The following FNTB variants were observed in gnomAD, a reference collection of about 807,000 sequenced individuals.
The protein encoded by FNTB is protein farnesyltransferase subunit beta.
FNTB carries 27 observed loss-of-function variants against 59.4 expected under a neutral mutation model. The observed-to-expected ratio is 0.45, with a 90% confidence interval of 0.34 to 0.63. The LOEUF (loss-of-function observed/expected upper bound fraction) is 0.63, where lower values mean the gene tolerates loss of function less well. Among genes scored for constraint, FNTB ranks in the 20% least tolerant of loss-of-function variants. The pLI is 0.02. For missense variants in FNTB, 449 were observed against 559.6 expected (o/e 0.80, Z 1.99); for synonymous variants, 230 against 220.7 (o/e 1.04, Z -0.37).
rs908372867 is a variant in FNTB at position 65,047,736 on chromosome 14, C to G, written c.955+3293C>G. Among the ~76,000 whole-genome samples, 1 of 152,078 alleles carries G rather than the reference C, an allele frequency of 6.6e-6. No individual in the cohort carries two copies. The highest frequency in any genetic ancestry group is 6.6e-5 in the Admixed American group (1 of 15,258). On this transcript the variant is annotated intron_variant, in intron 9 of 11. Transcript: ENST00000246166. This position sits in a 1 kb window ranked among gnomAD's most constrained non-coding sequence, Gnocchi z 5.2. Reference sequence around the variant, plus strand: ...TTTCAATAGCAGCCTAAGTGCCTATCAAAAGGTTAAGGGTTAAATAATAAA... The same window carrying G: ...TTTCAATAGCAGCCTAAGTGCCTATGAAAAGGTTAAGGGTTAAATAATAAA...
At position 65,023,623 on chromosome 14, in the gene FNTB, G is replaced by C. The variant is rs747979697; in HGVS notation, c.375-3830G>C. On this transcript the variant is annotated intron_variant, in intron 4 of 11. Transcript: ENST00000246166. This position sits in a 1 kb window ranked among gnomAD's most constrained non-coding sequence, Gnocchi z 4.1. ...TATTGGCCACTAGCCACAGTTAGTT[G>C]TGGAGTACTTGAAATGTGTCTTGTG... is the stretch of plus-strand genomic sequence containing the variant. 1.3e-5 allele frequency among the ~76,000 whole-genome samples: 2 copies of C among 152,208 alleles called. No individual in the cohort carries two copies. The highest frequency in any genetic ancestry group is 2.9e-5 in the Non-Finnish European group (2 of 68,034).
chr14:65,003,216 G>T (rs2061539447), intron 1 of FNTB: 1 of 152,126 alleles, frequency 6.6e-6, no homozygotes. Context: ...TGTGACGTAG[G>T]ACCAGAATTT....
At position 64,991,159 on chromosome 14, in the gene FNTB, G is replaced by A. The variant is rs549346932; in HGVS notation, c.144+4062G>A. ...AGTTTGTCTTTGAACAGAGGCAAAC[G>A]CGTCCTCCACTTTAAATGGCATGGT... is the stretch of plus-strand genomic sequence containing the variant. On this transcript the variant is annotated intron_variant, in intron 1 of 11. Coordinates refer to ENST00000246166, the MANE Select transcript of FNTB (RefSeq NM_002028.4). The surrounding 1 kb of genome is among the most constrained non-coding windows in gnomAD (Gnocchi z 4.4). Among the ~76,000 whole-genome samples the A allele has an allele frequency of 3.3e-5, 5 of 152,220 alleles. No individual in the cohort carries two copies. The highest frequency in any genetic ancestry group is 6.5e-5 in the Admixed American group (1 of 15,286).
In FNTB at chr14:65,044,557, G is replaced by C; in HGVS notation, c.955+114G>C. 1 of 1,451,188 alleles carries C rather than the reference G, an allele frequency of 6.9e-7. No homozygotes were observed. Among genetic ancestry groups the C allele is most frequent in the East Asian group, 2.5e-5 (1 of 40,194 alleles). The allele number at this position is 1,451,188 out of a possible 1,614,324, so 89.9% of individuals were successfully genotyped here. The stretch of plus-strand genomic sequence containing the variant: ...GTTGAAATGAGCTCTGTCTATCCTG[G>C]ATTTTGAGTGCCCAGTGTGGAACCT... On this transcript the variant is annotated intron_variant, in intron 9 of 11. Transcript: ENST00000246166. The surrounding 1 kb of genome is among the most constrained non-coding windows in gnomAD (Gnocchi z 5.5).
intron 7 of FNTB, among the ~76,000 whole-genome samples, chr14:65,040,147 C>T (rs1031518598): frequency 7.9e-5 from 12 of 152,076 alleles, no homozygotes; most frequent in Non-Finnish European, 1.2e-4. Flanking sequence ...CCATGATCTG[C>T]AGTCAACCTA....
intron 4 of FNTB, among the ~76,000 whole-genome samples, chr14:65,016,853 C>T (rs966430268): frequency 6.6e-6 from 1 of 151,220 alleles, no homozygotes; most frequent in Non-Finnish European, 1.5e-5. Flanking sequence ...GCTTCCAGCA[C>T]TGGAAGGAGA....
intron 11 of FNTB, among the ~76,000 whole-genome samples, chr14:65,059,067 T>C (rs1431046669): frequency 6.6e-6 from 1 of 152,160 alleles, no homozygotes; most frequent in Non-Finnish European, 1.5e-5. Flanking sequence ...CTGTCACTCA[T>C]GCTGGAGTAC....
At chr14:65,060,683 G>A (rs1185507572) in intron 11 of FNTB, among the ~76,000 whole-genome samples, 2 of 72,374 alleles carry the variant, frequency 2.8e-5, no homozygotes, top group African/African-American at 1.9e-4. Context: ...GCGACAGAGC[G>A]AGAGACTCCG....
chr14:64,997,519 A>G lies in FNTB; in HGVS notation c.145-6730A>G, dbSNP rs1888443123. Among the ~76,000 whole-genome samples, 1 of 152,242 alleles carries G rather than the reference A, an allele frequency of 6.6e-6. No individual in the cohort carries two copies. The highest frequency in any genetic ancestry group is 2.1e-4 in the South Asian group (1 of 4,834). On this transcript the variant is annotated intron_variant, in intron 1 of 11. Transcript: ENST00000246166. This position sits in a 1 kb window ranked among gnomAD's most constrained non-coding sequence, Gnocchi z 4.5. The stretch of plus-strand genomic sequence containing the variant: ...AGTGTGGTGTTGCCAGCTGCATGTC[A>G]GTTAAAGTCATTCTTTATTGCAAGG...
intron 9 of FNTB, among the ~76,000 whole-genome samples, chr14:65,049,594 A>G (rs964807359): frequency 1.3e-5 from 2 of 152,208 alleles, no homozygotes; most frequent in Non-Finnish European, 2.9e-5. Context: ...TTAATAATAT[A>G]GGAAGTCACT....
At chr14:65,056,943 G>T (rs889040582) in intron 11 of FNTB, among the ~76,000 whole-genome samples, 3 of 152,176 alleles carry the variant, frequency 2.0e-5, no homozygotes, top group African/African-American at 7.2e-5. Context: ...ATTATAACAT[G>T]TGGAAATCAA....
In FNTB at chr14:65,031,825, A is replaced by G. The variant is rs2139588951; in HGVS notation, c.606-785A>G. 6.6e-6 allele frequency among the ~76,000 whole-genome samples: 1 copy of G among 152,136 alleles called. No individual in the cohort carries two copies. The highest frequency in any genetic ancestry group is 2.0e-4 in the East Asian group (1 of 5,110). ...AATCCCAGCTACTTGGGAGGCTGAT[A>G]CAGGAGAATTGCTTGAACCCAGGAG... On this transcript the variant is annotated intron_variant, in intron 6 of 11. Transcript: ENST00000246166. This position sits in a 1 kb window ranked among gnomAD's most constrained non-coding sequence, Gnocchi z 4.6.
At position 65,012,513 on chromosome 14, in the gene FNTB, C is replaced by A; in HGVS notation, c.282+124C>A. ...CAGAGTCACTCTTTGTTCTCTGTGG[C>A]TCTGGCAGGAGGTAGGGTGCTGTCA... On this transcript the variant is annotated intron_variant, in intron 3 of 11. Coordinates refer to ENST00000246166, the MANE Select transcript of FNTB (RefSeq NM_002028.4). The surrounding 1 kb of genome is among the most constrained non-coding windows in gnomAD (Gnocchi z 5.0). 7.6e-7 allele frequency: 1 copy of A among 1,321,892 alleles called. No homozygotes were observed. Among genetic ancestry groups the A allele is most frequent in the Non-Finnish European group, 1.0e-6 (1 of 958,060 alleles). The allele number at this position is 1,321,892 out of a possible 1,614,324, so 81.9% of individuals were successfully genotyped here. A position where few individuals can be genotyped will look rare whatever the true frequency, so the allele number is the denominator to read the frequency against.
intron 1 of FNTB, among the ~76,000 whole-genome samples, chr14:64,998,741 T>C (rs1362967601): frequency 6.6e-6 from 1 of 152,260 alleles, no homozygotes. Context: ...TTAAAAGAAG[T>C]TGGGTGGACC....
chr14:64,986,896 A>C lies in FNTB; in HGVS notation c.-58A>C. 6.2e-7 allele frequency: 1 copy of C among 1,601,858 alleles called. No individual in the cohort carries two copies. The highest frequency in any genetic ancestry group is 8.6e-7 in the Non-Finnish European group (1 of 1,169,328). ...AGCGCTTTAGCCCGCTCGAGTTTCA[A>C]TGCGCGTTGTTGCTTAACGAAGCAG... On this transcript the variant is annotated 5_prime_UTR_variant, in exon 1 of 12. The change abolishes an upstream ATG in the 5' untranslated region. Transcript: ENST00000246166.
Position 65,012,303 on chromosome 14 carries a change from G to T in FNTB, c.210-14G>T, listed in dbSNP as rs762486895. ...AGCTATTAGAATGGGCTTATAAACT[G>T]TTTGTCTTTCCAGGCTTGTTTTGCA... On this transcript the variant is annotated splice_polypyrimidine_tract_variant and intron_variant, in intron 2 of 11. Transcript: ENST00000246166. The surrounding 1 kb of genome is among the most constrained non-coding windows in gnomAD (Gnocchi z 5.0). The T allele has an allele frequency of 6.2e-7, 1 of 1,613,910 alleles. No individual in the cohort carries two copies. Among genetic ancestry groups the T allele is most frequent in the Non-Finnish European group, 8.5e-7 (1 of 1,179,862 alleles).
intron 1 of FNTB, among the ~76,000 whole-genome samples, chr14:64,995,501 A>G (rs957645987): frequency 6.6e-6 from 1 of 152,010 alleles, no homozygotes; most frequent in Non-Finnish European, 1.5e-5. Context: ...GTGCTACAAC[A>G]TCATGAAAGC....
At chr14:64,988,443 C>CTTT (rs1218125017) in intron 1 of FNTB, among the ~76,000 whole-genome samples, 10 of 120,540 alleles carry the variant, frequency 8.3e-5, no homozygotes, top group Non-Finnish European at 1.0e-4. Flanking sequence ...ATGGGATTGC[C>CTTT]TTTTTTTTTT....
chr14:65,026,129 AAGAAGG>A (rs1358426123), intron 4 of FNTB, among the ~76,000 whole-genome samples: 2 of 152,192 alleles, frequency 1.3e-5, no homozygotes, highest in Non-Finnish European at 2.9e-5. Context: ...GCGCCCAGGA[AAGAAGG>A]CCCCATGAAC....
Sources: allele counts gnomAD v4.1 joint callset (sites outside exome capture counted in the v4.1 genomes callset), GRCh38; gene constraint gnomAD v4.1.1; non-coding constraint Gnocchi (gnomAD v3.1); transcripts MANE v1.5; gene names NCBI Gene and HGNC (gene_info 2026-07-23, HGNC 2026-07-21).